Variants in DENND1B observed in about 807,000 individuals in gnomAD.
DENND1B encodes DENN domain-containing protein 1B.
A neutral mutation model predicts 90.1 loss-of-function variants in DENND1B; 59 were observed. The ratio of observed to expected loss-of-function variants is 0.65; its 90% CI spans 0.53 to 0.81. DENND1B has a LOEUF of 0.81. DENND1B is among the 40% of genes least tolerant of loss of function. The probability of loss-of-function intolerance (pLI) is 0.00; values close to 1 mark genes in which losing one functional copy is unlikely to be tolerated. For synonymous variants in DENND1B, 337 were observed against 324.6 expected, an observed-to-expected ratio of 1.04 and a Z score of -0.41; for missense variants, 862 against 912.6, an observed-to-expected ratio of 0.94 and a Z score of 0.71.
At chr1:197,548,643 T>A (rs576187640) in intron 16 of DENND1B, among the ~76,000 whole-genome samples, 145 of 152,226 alleles carry the variant, frequency 9.5e-4, no homozygotes, top group African/African-American at 3.2e-3. Context: ...AGGAATTTAA[T>A]CCCCGGTTCA....
At chr1:197,624,733 A>C (rs889887977) in intron 10 of DENND1B, among the ~76,000 whole-genome samples, 1 of 151,860 alleles carries the variant, frequency 6.6e-6, no homozygotes, top group African/African-American at 2.4e-5. Context: ...TACAGGAGGA[A>C]ATTTAAACCA....
intron 2 of DENND1B, among the ~76,000 whole-genome samples, chr1:197,736,881 C>G (rs1200581675): frequency 6.6e-6 from 1 of 152,170 alleles, no homozygotes; most frequent in African/African-American, 2.4e-5. Flanking sequence ...TTATTTGCGA[C>G]TGCTGAGTAC....
intron 18 of DENND1B, among the ~76,000 whole-genome samples, chr1:197,544,138 C>A (rs866249573): frequency 6.6e-6 from 1 of 152,124 alleles, no homozygotes. Context: ...GAAGGTCCTA[C>A]AGATACAAAA....
intron 7 of DENND1B, among the ~76,000 whole-genome samples, chr1:197,648,184 C>T (rs1201838715): frequency 1.3e-5 from 2 of 152,140 alleles, no homozygotes; most frequent in African/African-American, 4.8e-5. Context: ...TACCAACCAA[C>T]ACCTGAATAG....
At chr1:197,557,992 AAC>A (rs1006493943) in intron 15 of DENND1B, among the ~76,000 whole-genome samples, 59 of 152,014 alleles carry the variant, frequency 3.9e-4, no homozygotes, top group Non-Finnish European at 8.0e-4. Context: ...TCATTTAGTA[AAC>A]ACATATCTAC....
chr1:197,593,745 A>T (rs1381844908), intron 14 of DENND1B, among the ~76,000 whole-genome samples: 1 of 152,088 alleles, frequency 6.6e-6, no homozygotes, highest in East Asian at 1.9e-4. Context: ...TACTCAAAAA[A>T]TTTTAAAATA....
At chr1:197,552,768 T>A in intron 16 of DENND1B, 1 of 1,248,164 alleles carries the variant, frequency 8.0e-7, no homozygotes. Context: ...TATTACTAAT[T>A]TCCAGCAATA....
At chr1:197,655,689 A>G (rs1572211572) in intron 6 of DENND1B, among the ~76,000 whole-genome samples, 1 of 151,532 alleles carries the variant, frequency 6.6e-6, no homozygotes, top group African/African-American at 2.4e-5. Context: ...CCGCCACCAC[A>G]CCCGGCTAAT....
At chr1:197,540,548 T>G (rs1670261789) in intron 19 of DENND1B, among the ~76,000 whole-genome samples, 3 of 152,132 alleles carry the variant, frequency 2.0e-5, no homozygotes, top group Admixed American at 2.0e-4. Context: ...ATTAAGAACA[T>G]TCTTCATTTT....
chr1:197,759,698 G>A (rs1428791526), intron 2 of DENND1B, among the ~76,000 whole-genome samples: 2 of 128,654 alleles, frequency 1.6e-5, no homozygotes, highest in Non-Finnish European at 1.5e-5. Flanking sequence ...AGCTGGGATC[G>A]CACCACTGCA....
At chr1:197,706,161 T>C (rs1400694374) in intron 3 of DENND1B, among the ~76,000 whole-genome samples, 2 of 152,220 alleles carry the variant, frequency 1.3e-5, no homozygotes, top group Non-Finnish European at 2.9e-5. Context: ...ACTTAAATTA[T>C]AGCTAAGTTT....
chr1:197,541,346 GAGAAA>G (rs1315226472), intron 18 of DENND1B, among the ~76,000 whole-genome samples: 20 of 152,286 alleles, frequency 1.3e-4, no homozygotes, highest in African/African-American at 4.8e-4. Flanking sequence ...TGGAGGAACA[GAGAAA>G]GTACATCCCC....
intron 1 of DENND1B, chr1:197,774,724 CTCT>C (rs1430245001): frequency 6.4e-6 from 1 of 157,228 alleles, no homozygotes; most frequent in African/African-American, 2.4e-5. Context: ...GAATAATAAC[CTCT>C]TAACCTCAAC....
intron 2 of DENND1B, chr1:197,747,159 T>C: frequency 1.3e-6 from 1 of 764,996 alleles, no homozygotes; most frequent in Non-Finnish European, 2.3e-6. Flanking sequence ...TTTTTTTCCC[T>C]CTGAATCTTG....
intron 19 of DENND1B, among the ~76,000 whole-genome samples, chr1:197,540,746 T>C (rs140959293): frequency 6.1e-4 from 93 of 152,268 alleles, no homozygotes; most frequent in Non-Finnish European, 1.1e-3. Flanking sequence ...CATAGTTCTG[T>C]GATAAAATAT....
intron 17 of DENND1B, among the ~76,000 whole-genome samples, 180 bp from the exon 18 acceptor site, chr1:197,546,170 CA>C (rs1457522067): frequency 5.3e-5 from 8 of 152,056 alleles, no homozygotes; most frequent in African/African-American, 1.9e-4. Context: ...TTAATAATTT[CA>C]AACAAAATGT....
intron 20 of DENND1B, among the ~76,000 whole-genome samples, chr1:197,527,238 C>T (rs1273115280): frequency 2.0e-5 from 3 of 151,364 alleles, no homozygotes; most frequent in Non-Finnish European, 2.9e-5. Flanking sequence ...TTTTTATGGA[C>T]ATGGACGTGT....
At chr1:197,735,579 G>T (rs1182793312) in intron 2 of DENND1B, 1 of 1,614,008 alleles carries the variant, frequency 6.2e-7, no homozygotes. Flanking sequence ...ATTCTAAAGG[G>T]TATTACTCGA....
upstream of DENND1B, chr1:197,775,824 T>G (rs1283081769): frequency 1.3e-5 from 2 of 152,292 alleles, no homozygotes; most frequent in African/African-American, 2.4e-5. Context: ...TCCACACACA[T>G]ACACACGGAC....
Sources: gnomAD v4.1 joint callset for allele counts (sites outside exome capture counted in the v4.1 genomes callset) on GRCh38, gnomAD v4.1.1 for gene constraint, MANE v1.5 for transcripts, NCBI Gene and HGNC (gene_info 2026-07-23, HGNC 2026-07-21) for gene names.